The following WWOX variants were observed in gnomAD, a reference collection of about 807,000 sequenced individuals.
WWOX encodes the protein WW domain containing oxidoreductase.
WWOX carries 69 observed loss-of-function variants against 46.2 expected under a neutral mutation model. The ratio of observed to expected loss-of-function variants is 1.49; its 90% CI spans 1.23 to 1.82. The LOEUF is 1.82. Among genes scored for constraint, WWOX ranks in the 40% most tolerant of loss-of-function variants. The probability of loss-of-function intolerance (pLI) is 0.00; values close to 1 mark genes in which losing one functional copy is unlikely to be tolerated. For missense variants in WWOX, 919 were observed against 542.6 expected, an observed-to-expected ratio of 1.69 and a Z score of -6.89; for synonymous variants, 359 against 202.6, an observed-to-expected ratio of 1.77 and a Z score of -6.56.
chr16:78,772,515 A>C (rs1304123308), intron 8 of WWOX, among the ~76,000 whole-genome samples: 2 of 152,110 alleles, frequency 1.3e-5, no homozygotes, highest in Non-Finnish European at 2.9e-5. Context: ...TCATTTGGTT[A>C]ATGTGATGAC....
chr16:78,595,459 C>T (rs893033576), intron 8 of WWOX, among the ~76,000 whole-genome samples: 5 of 152,152 alleles, frequency 3.3e-5, no homozygotes, highest in African/African-American at 7.2e-5. Flanking sequence ...ACCAAAGATC[C>T]GCCATGTCTT....
At chr16:78,194,132 C>T (rs939338299) in intron 5 of WWOX, among the ~76,000 whole-genome samples, 3 of 151,826 alleles carry the variant, frequency 2.0e-5, no homozygotes, top group Non-Finnish European at 4.4e-5. Context: ...TCCGCCTCGG[C>T]CTCCCAAAGT....
rs369274735 is a variant in WWOX at position 78,186,622 on chromosome 16, G to A, written c.516+22333G>A. Among the ~76,000 whole-genome samples the A allele has an allele frequency of 2.9e-4, 44 of 152,212 alleles. No individual in the cohort carries two copies. In the South Asian group the frequency reaches 8.3e-3, roughly 29 times the overall value. On this transcript the variant is annotated intron_variant, in intron 5 of 8. Transcript: ENST00000566780. ...CTACTCAAAATACAAAAAGTTAGCC[G>A]GGCGTGGTGGCACGTGCCTGTAATC...
chr16:78,623,859 C>T (rs532771962), intron 8 of WWOX, among the ~76,000 whole-genome samples: 82 of 152,252 alleles, frequency 5.4e-4, no homozygotes, highest in Non-Finnish European at 9.7e-4. Flanking sequence ...TTTAGACACA[C>T]TTCCACCTAC....
chr16:78,350,154 C>G (rs904534668), intron 5 of WWOX, among the ~76,000 whole-genome samples: 1 of 121,292 alleles, frequency 8.2e-6, no homozygotes, highest in East Asian at 1.9e-4. Flanking sequence ...ATACTTTTCT[C>G]AATCCACAAT....
chr16:78,684,990 A>G (rs13380686), intron 8 of WWOX, among the ~76,000 whole-genome samples: 15,898 of 152,116 alleles, frequency 0.1, 1,458 homozygotes, highest in African/African-American at 0.25. Context: ...AGTGTTCTCA[A>G]TGTGATTTTT....
chr16:79,051,101 G>A (rs772853212), intron 8 of WWOX, among the ~76,000 whole-genome samples: 9 of 152,170 alleles, frequency 5.9e-5, no homozygotes, highest in Middle Eastern at 3.2e-3. Flanking sequence ...AAAATAAACA[G>A]GTGTGACTGC....
chr16:78,615,772 G>A (rs370007192), intron 8 of WWOX, among the ~76,000 whole-genome samples: 1 of 150,304 alleles, frequency 6.7e-6, no homozygotes, highest in South Asian at 2.1e-4. Flanking sequence ...TTTTTTTGAG[G>A]CGGAGTCTCA....
At chr16:78,321,821 AGCGACGCTT>A (rs1172502005) in intron 5 of WWOX, among the ~76,000 whole-genome samples, 1 of 152,110 alleles carries the variant, frequency 6.6e-6, no homozygotes, top group African/African-American at 2.4e-5. Context: ...AGCTCTAAAG[AGCGACGCTT>A]GGAGGCTGGG....
At position 78,340,942 on chromosome 16, in the gene WWOX, G is replaced by A; in HGVS notation, c.517-45918G>A. 1.7e-5 allele frequency among the ~76,000 whole-genome samples: 2 copies of A among 118,898 alleles called. 1 individual carries two copies. Among genetic ancestry groups the A allele is most frequent in the Non-Finnish European group, 4.0e-5 (2 of 50,072 alleles). 78.0% of individuals were successfully genotyped at this position (118,898 alleles called of 152,430 possible). ...TTATGAAATGATGGTATCCTGCTGGGCTGAGTGGGGAGGGATTCTCAAGCT... is the reference window on the plus strand; with the variant it reads ...TTATGAAATGATGGTATCCTGCTGGACTGAGTGGGGAGGGATTCTCAAGCT... On this transcript the variant is annotated intron_variant, in intron 5 of 8. Transcript: ENST00000566780.
intron 8 of WWOX, among the ~76,000 whole-genome samples, chr16:79,007,513 T>G (rs1323941074): frequency 2.0e-5 from 3 of 152,188 alleles, no homozygotes; most frequent in African/African-American, 7.2e-5. Flanking sequence ...ATGAAGGCCT[T>G]GTAGGGCAAG....
intron 5 of WWOX, among the ~76,000 whole-genome samples, chr16:78,185,248 C>T (rs768560201): frequency 1.8e-4 from 28 of 152,212 alleles, no homozygotes; most frequent in African/African-American, 6.3e-4. Context: ...TCATGTCAAG[C>T]CTTTTTGCTG....
chr16:78,210,101 G>A (rs773501334), intron 5 of WWOX, among the ~76,000 whole-genome samples: 2 of 152,146 alleles, frequency 1.3e-5, no homozygotes, highest in Admixed American at 6.5e-5. Context: ...AGTTCCAGAC[G>A]CCGAGCTTCA....
At chr16:79,137,975 G>C (rs1470521308) in intron 8 of WWOX, among the ~76,000 whole-genome samples, 3 of 152,136 alleles carry the variant, frequency 2.0e-5, no homozygotes, top group Admixed American at 1.3e-4. Context: ...AATAATTCTA[G>C]ATGAAGATAG....
rs149221708 is a variant in WWOX at position 78,502,706 on chromosome 16, A to G, written c.1056+69954A>G. On this transcript the variant is annotated intron_variant, in intron 8 of 8. Coordinates refer to ENST00000566780, the MANE Select transcript of WWOX (RefSeq NM_016373.4). ...CCTTTGATGACATGTCTTGGCAGTG[A>G]TGTCTATGACACTGGGCAAGTGTCT... 3.2e-3 allele frequency among the ~76,000 whole-genome samples: 481 copies of G among 152,276 alleles called. 1 individual carries two copies. The highest frequency in any genetic ancestry group is 0.011 in the African/African-American group (451 of 41,554).
intron 5 of WWOX, among the ~76,000 whole-genome samples, chr16:78,359,257 G>C (rs1168186092): frequency 6.6e-6 from 1 of 152,080 alleles, no homozygotes; most frequent in Non-Finnish European, 1.5e-5. Flanking sequence ...GGTTTGCTTG[G>C]CAATTTGTTC....
chr16:79,020,762 C>T (rs1348587316), intron 8 of WWOX, among the ~76,000 whole-genome samples: 1 of 152,124 alleles, frequency 6.6e-6, no homozygotes, highest in Non-Finnish European at 1.5e-5. Context: ...ATGCAGCTTC[C>T]CACACGTCGT....
chr16:78,228,873 A>G (rs754186137), intron 5 of WWOX, among the ~76,000 whole-genome samples: 5 of 152,162 alleles, frequency 3.3e-5, no homozygotes, highest in Admixed American at 6.5e-5. Context: ...TTTTGTGCCA[A>G]GTGTCCGTAA....
chr16:79,029,407 A>T (rs976325426), intron 8 of WWOX, among the ~76,000 whole-genome samples: 2 of 152,168 alleles, frequency 1.3e-5, no homozygotes, highest in Non-Finnish European at 2.9e-5. Flanking sequence ...CATCAGCACC[A>T]TTGTCAAAAC....
Sources: gnomAD v4.1 joint callset for allele counts (sites outside exome capture counted in the v4.1 genomes callset) on GRCh38, gnomAD v4.1.1 for gene constraint, MANE v1.5 for transcripts, NCBI Gene and HGNC (gene_info 2026-07-23, HGNC 2026-07-21) for gene names.